DLGAP2: variants seen among roughly 807,000 people sequenced by gnomAD.
DLGAP2 encodes DLG associated protein 2, also known as disks large-associated protein 2.
A neutral mutation model predicts 100.3 loss-of-function variants in DLGAP2; 26 were observed. The observed-to-expected ratio is 0.26, with a 90% CI of 0.19 to 0.36. The LOEUF (loss-of-function observed/expected upper bound fraction) is 0.36. DLGAP2 is among the 10% of genes least tolerant of loss of function. The probability of loss-of-function intolerance (pLI) is 1.00; values close to 1 mark genes in which losing one functional copy is unlikely to be tolerated. For synonymous variants in DLGAP2, 886 were observed against 630.1 expected (o/e 1.41, Z -6.08); for missense variants, 1,858 against 1,453.2 (o/e 1.28, Z -4.53).
At chr8:1,524,937 G>A (rs560592858) in intron 4 of DLGAP2, among the ~76,000 whole-genome samples, 57 of 152,098 alleles carry the variant, frequency 3.7e-4, no homozygotes, top group African/African-American at 1.3e-3. Context: ...GTTATTTGTT[G>A]GTATTTTTCT....
In DLGAP2 at chr8:1,629,203, T is replaced by C. The variant is rs76698760; in HGVS notation, c.1590+2316T>C. On this transcript the variant is annotated intron_variant, in intron 7 of 14. Coordinates refer to ENST00000637795, the MANE Select transcript of DLGAP2 (RefSeq NM_001346810.2). ...TCGGAAGGTTGTACCCAGGACTTTTTCCACTGAACTATTGAGGCTTTTCCT... is the reference window on the plus strand; with the variant it reads ...TCGGAAGGTTGTACCCAGGACTTTTCCCACTGAACTATTGAGGCTTTTCCT... Among the ~76,000 whole-genome samples the C allele has an allele frequency of 7.3e-3, 1,119 of 152,320 alleles. 17 individuals are homozygous for C. The highest frequency in any genetic ancestry group is 0.026 in the African/African-American group (1,060 of 41,560).
chr8:946,652 G>T (rs1380665223), intron 2 of DLGAP2, among the ~76,000 whole-genome samples: 1 of 152,136 alleles, frequency 6.6e-6, no homozygotes, highest in African/African-American at 2.4e-5. Flanking sequence ...TTGAAATTTT[G>T]CATGGTAACA....
intron 3 of DLGAP2, among the ~76,000 whole-genome samples, chr8:1,443,938 T>A (rs935126934): frequency 1.3e-5 from 2 of 152,202 alleles, no homozygotes; most frequent in African/African-American, 4.8e-5. Context: ...AAGCAATAAC[T>A]TTAGCTCTAT....
chr8:1,598,936 C>G (rs2130697123), intron 6 of DLGAP2, among the ~76,000 whole-genome samples: 1 of 152,206 alleles, frequency 6.6e-6, no homozygotes, highest in Non-Finnish European at 1.5e-5. Context: ...TCTTGCTTCT[C>G]TGGTCCTTTT....
At chr8:989,574 C>T (rs958976417) in intron 2 of DLGAP2, among the ~76,000 whole-genome samples, 14 of 152,166 alleles carry the variant, frequency 9.2e-5, no homozygotes, top group Non-Finnish European at 1.9e-4. Flanking sequence ...GCAGGACGAG[C>T]TCTTCCTGCC....
chr8:1,572,705 G>A (rs1406710207), intron 6 of DLGAP2, among the ~76,000 whole-genome samples: 7 of 100,024 alleles, frequency 7.0e-5, no homozygotes, highest in East Asian at 4.1e-4. Context: ...CTGTGGGGGT[G>A]TCTGATGAGA....
At chr8:957,772 TAGA>T (rs1303204330) in intron 2 of DLGAP2, among the ~76,000 whole-genome samples, 3 of 152,236 alleles carry the variant, frequency 2.0e-5, no homozygotes, top group Admixed American at 6.5e-5. Context: ...ATGAACATTT[TAGA>T]AGAAGGTGTA....
chr8:1,697,083 G>T, intron 13 of DLGAP2, 64 bp from the exon 14 acceptor site: 2 of 1,407,702 alleles, frequency 1.4e-6, no homozygotes, highest in East Asian at 2.6e-5. Flanking sequence ...GGGAGGAGTG[G>T]CCTCCCCAGC....
chr8:1,436,275 G>C (rs1296090327), intron 3 of DLGAP2, among the ~76,000 whole-genome samples: 1 of 152,184 alleles, frequency 6.6e-6, no homozygotes, highest in Non-Finnish European at 1.5e-5. Flanking sequence ...GCAAACCACT[G>C]GTGTGAGTCC....
intron 3 of DLGAP2, among the ~76,000 whole-genome samples, chr8:1,272,471 A>G (rs1799602193): frequency 6.6e-6 from 1 of 151,832 alleles, no homozygotes; most frequent in South Asian, 2.1e-4. Context: ...TATATATAGA[A>G]AACATATATA....
At chr8:1,186,914 AT>A (rs1394985510) in intron 2 of DLGAP2, among the ~76,000 whole-genome samples, 2 of 152,026 alleles carry the variant, frequency 1.3e-5, no homozygotes, top group African/African-American at 4.8e-5. Context: ...TTAAACAGGT[AT>A]TTGGGAAATT....
At chr8:976,404 G>A (rs1347485890) in intron 2 of DLGAP2, among the ~76,000 whole-genome samples, 3 of 152,090 alleles carry the variant, frequency 2.0e-5, no homozygotes, top group African/African-American at 2.4e-5. Context: ...AAGGTCAGGA[G>A]ATCGAGACCA....
rs1801914800 is a variant in DLGAP2 at position 1,029,530 on chromosome 8, TA to T, written c.73+121565del. 3.3e-5 allele frequency among the ~76,000 whole-genome samples: 5 copies of T among 151,530 alleles called. No individual in the cohort carries two copies. In the South Asian group the frequency reaches 1.0e-3, roughly 32 times the overall value. Reference sequence around the variant, plus strand: ...GTCCAGCGGTGCCGAGAGGTTCGGGTAGGACGACCAACGGTGTCCAGCAGTG... The same window carrying T: ...GTCCAGCGGTGCCGAGAGGTTCGGGTGGACGACCAACGGTGTCCAGCAGTG... On this transcript the variant is annotated intron_variant, in intron 2 of 14. Coordinates refer to ENST00000637795, the MANE Select transcript of DLGAP2 (RefSeq NM_001346810.2).
intron 2 of DLGAP2, among the ~76,000 whole-genome samples, chr8:1,072,623 G>A (rs1210933378): frequency 6.6e-6 from 1 of 152,164 alleles, no homozygotes; most frequent in Non-Finnish European, 1.5e-5. Context: ...AGGTGCTGGT[G>A]GGTTTGACCT....
chr8:1,669,730 T>C lies in DLGAP2; in HGVS notation c.2161-13T>C. On this transcript the variant is annotated splice_polypyrimidine_tract_variant and intron_variant, in intron 9 of 14. Coordinates refer to ENST00000637795, the MANE Select transcript of DLGAP2 (RefSeq NM_001346810.2). ...ACCAGGTCTCCACACTGTGGCTTCATTGTTTTGTTTAGGATTCTGAATTCC... is the reference window on the plus strand; with the variant it reads ...ACCAGGTCTCCACACTGTGGCTTCACTGTTTTGTTTAGGATTCTGAATTCC... 1.3e-6 allele frequency: 1 copy of C among 780,836 alleles called. No individual in the cohort carries two copies. The highest frequency in any genetic ancestry group is 1.3e-5 in the South Asian group (1 of 74,630). 48.4% of individuals were successfully genotyped at this position (780,836 alleles called of 1,614,324 possible).
intron 2 of DLGAP2, among the ~76,000 whole-genome samples, chr8:1,047,519 G>A (rs1435547848): frequency 6.6e-6 from 1 of 152,180 alleles, no homozygotes; most frequent in Non-Finnish European, 1.5e-5. Context: ...AGTGCACTCA[G>A]ACTGCTGCCA....
chr8:778,238 T>C (rs1390492323), intron 1 of DLGAP2, among the ~76,000 whole-genome samples: 1 of 152,200 alleles, frequency 6.6e-6, no homozygotes, highest in Non-Finnish European at 1.5e-5. Context: ...ATTCTAGTTA[T>C]ACATTCTTCT....
chr8:1,211,980 G>A (rs1414991605), intron 2 of DLGAP2, among the ~76,000 whole-genome samples: 4 of 152,348 alleles, frequency 2.6e-5, no homozygotes, highest in Admixed American at 6.5e-5. Flanking sequence ...TCTGACTGGC[G>A]CTGTGGAAAC....
rs777312874 is a variant in DLGAP2, at chr8:1,697,170, G to A, written c.2820G>A (p.Pro940=). The change falls in exon 14 of 15, where the codon CCG becomes CCA. Residue 940 remains proline, a synonymous_variant. Coordinates refer to ENST00000637795, the MANE Select transcript of DLGAP2 (RefSeq NM_001346810.2). ...QNMDPSAMPR[P]TSQDLAGYWD... Reference sequence around the variant, plus strand: ...AGGACCCCAGCGCCATGCCGAGGCCGACGTCGCAGGACCTGGCCGGCTACT... The same window carrying A: ...AGGACCCCAGCGCCATGCCGAGGCCAACGTCGCAGGACCTGGCCGGCTACT... The A allele has an allele frequency of 2.1e-5, 34 of 1,600,572 alleles. No homozygotes were observed. The highest frequency in any genetic ancestry group is 1.7e-4 in the Middle Eastern group (1 of 6,042).
Sources: gnomAD v4.1 joint callset for allele counts (sites outside exome capture counted in the v4.1 genomes callset) on GRCh38, gnomAD v4.1.1 for gene constraint, MANE v1.5 for transcripts, NCBI Gene and HGNC (gene_info 2026-07-23, HGNC 2026-07-21) for gene names.